CDK5RAP1: variants seen among roughly 807,000 people sequenced by gnomAD.
CDK5RAP1 encodes the protein mitochondrial tRNA methylthiotransferase CDK5RAP1.
CDK5RAP1 carries 62 observed loss-of-function variants against 64.5 expected under a neutral mutation model. That is an observed-to-expected ratio of 0.96 (90% CI 0.78 to 1.19). The LOEUF is 1.19. CDK5RAP1 is among the 50% of genes most tolerant of loss of function. CDK5RAP1 has a pLI of 0.00. For missense variants in CDK5RAP1, 657 were observed against 735.0 expected, an observed-to-expected ratio of 0.89 and a Z score of 1.23; for synonymous variants, 250 against 261.9, an observed-to-expected ratio of 0.95 and a Z score of 0.44.
Position 33,379,530 on chromosome 20 carries a change from C to T in CDK5RAP1, c.1038G>A (p.Gln346=), listed in dbSNP as rs748931397. Residue 346 remains glutamine, a synonymous_variant, in exon 8 of 14, where the codon CAG becomes CAA. Coordinates refer to ENST00000346416, the MANE Select transcript of CDK5RAP1 (RefSeq NM_016408.4). ...GGLRFAHLLD[Q]VSRVDPEMRI... ...TCATTTCAGGATCTACTCTGGAGAC[C>T]TGATCCAGAAGATGAGCAAAACGAA... 6.2e-7 allele frequency: 1 copy of T among 1,614,056 alleles called. No homozygotes were observed. The highest frequency in any genetic ancestry group is 2.2e-5 in the East Asian group (1 of 44,878).
intron 2 of CDK5RAP1, among the ~76,000 whole-genome samples, chr20:33,396,264 GA>G (rs1176363926): frequency 6.6e-6 from 1 of 152,206 alleles, no homozygotes; most frequent in Non-Finnish European, 1.5e-5. Flanking sequence ...ACAGTTGTAA[GA>G]ATATGAATTT....
At position 33,358,942 on chromosome 20, in the gene CDK5RAP1, C is replaced by T; in HGVS notation, c.*101G>A. 2 of 843,312 alleles carry T rather than the reference C, an allele frequency of 2.4e-6. No individual in the cohort carries two copies. Among genetic ancestry groups the T allele is most frequent in the Non-Finnish European group, 3.9e-6 (2 of 512,532 alleles). The allele number at this position is 843,312 out of a possible 1,614,324, so 52.2% of individuals were successfully genotyped here. On this transcript the variant is annotated 3_prime_UTR_variant, in exon 14 of 14. Transcript: ENST00000346416. ...CATAAAGTTGCTTCGCCCCTTGCAG[C>T]TTATCTCCACCTTCATGACCTGTTT...
intron 12 of CDK5RAP1, 21 bp downstream of exon 12, chr20:33,366,836 AAC>A (rs1351343374): frequency 1.0e-5 from 16 of 1,589,130 alleles, no homozygotes; most frequent in Admixed American, 1.8e-5. Context: ...AAAACAACAT[AAC>A]ACACACACAT....
intron 8 of CDK5RAP1, among the ~76,000 whole-genome samples, chr20:33,375,401 CAA>C (rs200212971): frequency 2.3e-4 from 13 of 57,418 alleles, no homozygotes; most frequent in Non-Finnish European, 3.1e-4. Context: ...GACTCCATCT[CAA>C]AAAAAAAAAA....
At chr20:33,367,068 C>G (rs376441002) in intron 11 of CDK5RAP1, 60 bp from the exon 12 acceptor site, 11 of 1,524,884 alleles carry the variant, frequency 7.2e-6, no homozygotes, top group East Asian at 4.5e-5. Flanking sequence ...AGAATCTATT[C>G]TTAATGCACA....
At chr20:33,386,108 C>A (rs1425425687) in intron 6 of CDK5RAP1, among the ~76,000 whole-genome samples, 7 of 152,170 alleles carry the variant, frequency 4.6e-5, no homozygotes, top group South Asian at 2.1e-4. Flanking sequence ...ACTCTGTCAC[C>A]AGGCTGGAGT....
intron 11 of CDK5RAP1, among the ~76,000 whole-genome samples, chr20:33,368,357 A>G (rs1984364542): frequency 6.6e-6 from 1 of 151,804 alleles, no homozygotes; most frequent in Admixed American, 6.6e-5. Context: ...CAGTGGCACA[A>G]TCTTGGATCA....
chr20:33,359,158 C>G, intron 13 of CDK5RAP1, 35 bp from the exon 14 acceptor site: 1 of 1,483,808 alleles, frequency 6.7e-7, no homozygotes. Flanking sequence ...GGCAAAATAA[C>G]TAGGACTGTA....
rs766853830 is a variant in CDK5RAP1 at position 33,360,335 on chromosome 20, C to T, written c.1683+16G>A. ...CATTTCACAGTGCAAGCCAAAAGCC[C>T]AAAAGGACTCCTCACCTTCACCAGC... On this transcript the variant is annotated intron_variant, in intron 13 of 13. Coordinates refer to ENST00000346416, the MANE Select transcript of CDK5RAP1 (RefSeq NM_016408.4). 2 of 1,611,928 alleles carry T rather than the reference C, an allele frequency of 1.2e-6. No homozygotes were observed. Among genetic ancestry groups the T allele is most frequent in the Non-Finnish European group, 1.7e-6 (2 of 1,179,376 alleles).
At chr20:33,392,818 T>G (rs1464602942) in intron 4 of CDK5RAP1, among the ~76,000 whole-genome samples, 1 of 152,130 alleles carries the variant, frequency 6.6e-6, no homozygotes, top group Non-Finnish European at 1.5e-5. Context: ...AACTTTTTTT[T>G]TTTATGATTC....
intron 11 of CDK5RAP1, among the ~76,000 whole-genome samples, chr20:33,369,396 T>C (rs1017950158): frequency 1.1e-4 from 16 of 151,346 alleles, no homozygotes; most frequent in African/African-American, 3.6e-4. Context: ...GGCAGGAGAA[T>C]GGCATGAACC....
rs547181603 is a variant in CDK5RAP1, at chr20:33,368,227, G to A, written c.1393-1219C>T. On this transcript the variant is annotated intron_variant, in intron 11 of 13. Transcript: ENST00000346416. ...ACCCTTAGGAATTAGGTCCCAAAGT[G>A]AACATTCATATTCACTGACCATAAG... 2.0e-4 allele frequency among the ~76,000 whole-genome samples: 30 copies of A among 152,186 alleles called. No homozygotes were observed. In the South Asian group the frequency reaches 6.2e-3, roughly 32 times the overall value.
chr20:33,394,525 A>G (rs1333651928), intron 3 of CDK5RAP1, among the ~76,000 whole-genome samples: 1 of 148,650 alleles, frequency 6.7e-6, no homozygotes, highest in Non-Finnish European at 1.5e-5. Context: ...TCACTTGCCC[A>G]GGCTGAAGAG....
chr20:33,379,232 C>A (rs1986428501), intron 8 of CDK5RAP1, among the ~76,000 whole-genome samples: 1 of 152,138 alleles, frequency 6.6e-6, no homozygotes, highest in African/African-American at 2.4e-5. Context: ...CTCAAGTAAT[C>A]CACCTGCCTC....
At chr20:33,386,087 G>A (rs2146678422) in intron 6 of CDK5RAP1, among the ~76,000 whole-genome samples, 1 of 152,310 alleles carries the variant, frequency 6.6e-6, no homozygotes, top group South Asian at 2.1e-4. Context: ...TTTTGTTTGA[G>A]ACGGAGTCTC....
At chr20:33,399,066 G>A (rs1204113833) in intron 1 of CDK5RAP1, among the ~76,000 whole-genome samples, 2 of 151,898 alleles carry the variant, frequency 1.3e-5, no homozygotes, top group East Asian at 3.9e-4. Flanking sequence ...CCTATTTGCA[G>A]GTACATACAA....
At chr20:33,379,822 C>A (rs576750475) in intron 7 of CDK5RAP1, 131 bp from the exon 8 acceptor site, 7 of 658,974 alleles carry the variant, frequency 1.1e-5, no homozygotes, top group African/African-American at 3.6e-5. Flanking sequence ...TACCAAGAGT[C>A]ACCTATAAGT....
At chr20:33,385,582 A>G in intron 7 of CDK5RAP1, 68 bp downstream of exon 7, 1 of 1,581,596 alleles carries the variant, frequency 6.3e-7, no homozygotes, top group African/African-American at 1.4e-5. Context: ...ATAGGCTCAA[A>G]ACTACAAAGG....
At chr20:33,394,180 GAC>G in intron 3 of CDK5RAP1, 114 bp from the exon 4 acceptor site, 1 of 667,464 alleles carries the variant, frequency 1.5e-6, no homozygotes, top group Non-Finnish European at 2.6e-6. Flanking sequence ...TTTTTTTTGA[GAC>G]AGAGTCTCAC....
Sources: gnomAD v4.1 joint callset for allele counts (sites outside exome capture counted in the v4.1 genomes callset) on GRCh38, gnomAD v4.1.1 for gene constraint, MANE v1.5 for transcripts, NCBI Gene and HGNC (gene_info 2026-07-23, HGNC 2026-07-21) for gene names.